The following DAB1 variants were observed in gnomAD, a reference collection of about 807,000 sequenced individuals.
DAB1 encodes the protein disabled homolog 1.
DAB1 carries 15 observed loss-of-function variants against 64.6 expected under a neutral mutation model. The ratio of observed to expected loss-of-function variants is 0.23; its 90% CI spans 0.16 to 0.36. The LOEUF is 0.36. Ranked by LOEUF, DAB1 falls within the 10% of genes least tolerant of loss-of-function variation. DAB1 has a pLI of 1.00. For missense variants in DAB1, 596 were observed against 706.7 expected (o/e 0.84, Z 1.78); for synonymous variants, 235 against 251.9 (o/e 0.93, Z 0.64).
chr1:58,069,377 C>T (rs75712620), intron 5 of DAB1, among the ~76,000 whole-genome samples: 3,588 of 152,252 alleles, frequency 0.024, 50 homozygotes, highest in Middle Eastern at 0.041. Flanking sequence ...TACTTACTGT[C>T]CTGATTTAAT....
Position 57,644,746 on chromosome 1 carries a change from G to A in DAB1, n.625+4846C>T, listed in dbSNP as rs563877710. Among the ~76,000 whole-genome samples, 145 of 152,148 alleles carry A rather than the reference G, an allele frequency of 9.5e-4. 1 individual carries two copies. The highest frequency in any genetic ancestry group is 6.8e-3 in the Middle Eastern group (2 of 294). ...GATTTGGCCTTACGCAATTGTGGGTGCTGGTTAAGCAGTCTGTAAGTCTGT... is the reference window on the plus strand; with the variant it reads ...GATTTGGCCTTACGCAATTGTGGGTACTGGTTAAGCAGTCTGTAAGTCTGT... On this transcript the variant is annotated intron_variant and non_coding_transcript_variant, in intron 7 of 20. Coordinates refer to the DAB1 transcript ENST00000485760.
chr1:58,034,157 C>G (rs1463396303), intron 5 of DAB1, among the ~76,000 whole-genome samples: 1 of 152,240 alleles, frequency 6.6e-6, no homozygotes, highest in East Asian at 1.9e-4. Context: ...AGCAGTCACT[C>G]TCTCACTCTC....
chr1:58,207,132 A>G (rs1185319025), intron 4 of DAB1, among the ~76,000 whole-genome samples: 1 of 152,232 alleles, frequency 6.6e-6, no homozygotes. Context: ...TGACTTGCCA[A>G]CTAACCCTGC....
intron 5 of DAB1, among the ~76,000 whole-genome samples, chr1:58,052,887 C>G (rs1180687261): frequency 2.0e-5 from 3 of 152,184 alleles, no homozygotes; most frequent in Non-Finnish European, 2.9e-5. Context: ...ATTCTGCAGT[C>G]TGTACAAGAA....
chr1:58,034,976 T>C (rs1357459636), intron 5 of DAB1, among the ~76,000 whole-genome samples: 2 of 152,226 alleles, frequency 1.3e-5, no homozygotes, highest in Non-Finnish European at 2.9e-5. Context: ...GTGTCTTGTT[T>C]TGACCAATAG....
At chr1:57,068,710 A>G (rs1292709229) in intron 8 of DAB1, among the ~76,000 whole-genome samples, 1 of 152,208 alleles carries the variant, frequency 6.6e-6, no homozygotes, top group Non-Finnish European at 1.5e-5. Flanking sequence ...AAGGAGGCAG[A>G]GCTTCGCCTT....
intron 4 of DAB1, among the ~76,000 whole-genome samples, chr1:58,268,068 G>T (rs1661216109): frequency 8.7e-6 from 1 of 114,936 alleles, no homozygotes; most frequent in Non-Finnish European, 1.9e-5. Flanking sequence ...ATCTAGATTT[G>T]AATTCTAATT....
chr1:57,546,759 C>G (rs1289481317), intron 7 of DAB1, among the ~76,000 whole-genome samples: 2 of 152,124 alleles, frequency 1.3e-5, no homozygotes, highest in African/African-American at 4.8e-5. Context: ...GTTTGTACAA[C>G]TACAGTCTAT....
At chr1:57,344,410 G>A (rs377764122) in intron 1 of DAB1, among the ~76,000 whole-genome samples, 39 of 152,150 alleles carry the variant, frequency 2.6e-4, no homozygotes, top group Non-Finnish European at 5.0e-4. Flanking sequence ...ATCCTGTGCC[G>A]TTTTGCATTT....
At chr1:58,181,908 G>T (rs1416084429) in intron 4 of DAB1, among the ~76,000 whole-genome samples, 1 of 151,918 alleles carries the variant, frequency 6.6e-6, no homozygotes, top group African/African-American at 2.4e-5. Context: ...ATTTCTCCAT[G>T]AATTCAAGCT....
intron 3 of DAB1, among the ~76,000 whole-genome samples, chr1:58,392,671 G>A (rs1480378158): frequency 6.6e-6 from 1 of 152,182 alleles, no homozygotes. Context: ...CAAACGAAAT[G>A]TGGGGGAAAC....
intron 3 of DAB1, among the ~76,000 whole-genome samples, chr1:58,443,067 A>G (rs922486849): frequency 6.6e-6 from 1 of 152,218 alleles, no homozygotes; most frequent in Non-Finnish European, 1.5e-5. Context: ...TAGATTTACC[A>G]ATCACTGGAT....
chr1:57,944,724 C>T (rs937114302), intron 5 of DAB1, among the ~76,000 whole-genome samples: 1 of 152,176 alleles, frequency 6.6e-6, no homozygotes, highest in African/African-American at 2.4e-5. Context: ...CTTCCACATA[C>T]ACACATATAT....
chr1:57,412,555 T>G (rs967442051), intron 1 of DAB1, among the ~76,000 whole-genome samples: 5 of 152,210 alleles, frequency 3.3e-5, no homozygotes, highest in Non-Finnish European at 7.3e-5. Flanking sequence ...AGTGAACACA[T>G]GACTGATAAG....
At chr1:57,305,968 C>CAAAAAAAAAAAAA (rs1048177276) in intron 1 of DAB1, among the ~76,000 whole-genome samples, 2 of 62,286 alleles carry the variant, frequency 3.2e-5, no homozygotes, top group African/African-American at 1.3e-4. Context: ...GACTCCGTCT[C>CAAAAAAAAAAAAA]AAAAAAAAAA....
chr1:58,118,463 C>A (rs1652482979), intron 5 of DAB1, among the ~76,000 whole-genome samples: 1 of 30,280 alleles, frequency 3.3e-5, no homozygotes. Context: ...AGGCACTATC[C>A]TAAGGCATAT....
intron 4 of DAB1, among the ~76,000 whole-genome samples, chr1:57,135,323 G>A (rs921359318): frequency 6.6e-6 from 1 of 152,096 alleles, no homozygotes; most frequent in Non-Finnish European, 1.5e-5. Context: ...CTGTGACTAT[G>A]TTAAGTAATT....
rs544035960 is a variant in DAB1 at position 58,441,661 on chromosome 1, T to C, written n.257+64399A>G. Among the ~76,000 whole-genome samples the C allele has an allele frequency of 5.9e-5, 9 of 152,266 alleles. No homozygotes were observed. In the South Asian group the frequency reaches 1.9e-3, roughly 32 times the overall value. The stretch of plus-strand genomic sequence containing the variant: ...CCTAAGGAAGTTTCTGTGTCTGACA[T>C]TTCTCTCATATGGTTTTCCTACCAG... On this transcript the variant is annotated intron_variant and non_coding_transcript_variant, in intron 3 of 20. Coordinates refer to the DAB1 transcript ENST00000485760.
At chr1:57,677,360 G>A (rs1456162800) in intron 6 of DAB1, among the ~76,000 whole-genome samples, 2 of 152,198 alleles carry the variant, frequency 1.3e-5, no homozygotes, top group Non-Finnish European at 2.9e-5. Flanking sequence ...CCTAACACCT[G>A]AGTAGTAGGC....
Sources: gnomAD v4.1 joint callset for allele counts (sites outside exome capture counted in the v4.1 genomes callset) on GRCh38, gnomAD v4.1.1 for gene constraint, MANE v1.5 for transcripts, NCBI Gene and HGNC (gene_info 2026-07-23, HGNC 2026-07-21) for gene names.